Variants in WSCD2 observed in about 807,000 individuals in gnomAD.
WSCD2 encodes WSC domain sialate O sulfotransferase 2.
In WSCD2, 28 loss-of-function variants were observed where a neutral mutation model predicts 55.7. The ratio of observed to expected loss-of-function variants is 0.50; its 90% CI spans 0.37 to 0.69. The LOEUF (loss-of-function observed/expected upper bound fraction) is 0.69, where lower values mean the gene tolerates loss of function less well. Among genes scored for constraint, WSCD2 ranks in the 30% least tolerant of loss-of-function variants. WSCD2 has a pLI of 0.00. For missense variants in WSCD2, 616 were observed against 762.1 expected (o/e 0.81, Z 2.26); for synonymous variants, 301 against 301.9 (o/e 1.00, Z 0.03).
intron 1 of WSCD2, among the ~76,000 whole-genome samples, chr12:108,135,027 C>A (rs1238108890): frequency 1.3e-5 from 2 of 152,202 alleles, no homozygotes; most frequent in Non-Finnish European, 2.9e-5. Context: ...ACATTTCCCC[C>A]CTTCACTCAC....
rs767438425 is a variant in WSCD2, at chr12:108,195,877, A to G, written c.45A>G (p.Lys15=). The G allele has an allele frequency of 6.2e-7, 1 of 1,613,930 alleles. No individual in the cohort carries two copies. The highest frequency in any genetic ancestry group is 8.5e-7 in the Non-Finnish European group (1 of 1,179,928). The change falls in exon 2 of 9, where the codon AAA becomes AAG. Residue 15 remains lysine, a synonymous_variant. Coordinates refer to ENST00000547525, the MANE Select transcript of WSCD2 (RefSeq NM_014653.4). ...WFKFQRYFRR[K]PVRFFTFLAL... ...AATTCCAGCGGTACTTCCGCCGGAAACCTGTGCGCTTCTTTACCTTCCTGG... is the reference window on the plus strand; with the variant it reads ...AATTCCAGCGGTACTTCCGCCGGAAGCCTGTGCGCTTCTTTACCTTCCTGG...
intron 1 of WSCD2, among the ~76,000 whole-genome samples, chr12:108,167,864 G>A (rs924145105): frequency 3.9e-5 from 6 of 152,210 alleles, no homozygotes; most frequent in African/African-American, 1.4e-4. Flanking sequence ...ACCTATTTTT[G>A]GAGGTGAGTG....
chr12:108,198,263 G>GA (rs1050937163), intron 2 of WSCD2, among the ~76,000 whole-genome samples: 10 of 152,090 alleles, frequency 6.6e-5, no homozygotes, highest in African/African-American at 2.4e-4. Context: ...TGCTGTTGCT[G>GA]AATACCTATT....
At chr12:108,244,500 T>C in intron 8 of WSCD2, 1 of 702,996 alleles carries the variant, frequency 1.4e-6, no homozygotes, top group Non-Finnish European at 2.6e-6. Flanking sequence ...CCAGTATTTA[T>C]TGAGCACCTT....
chr12:108,142,518 G>T (rs1876931528), intron 1 of WSCD2, among the ~76,000 whole-genome samples: 1 of 152,118 alleles, frequency 6.6e-6, no homozygotes, highest in Admixed American at 6.5e-5. Flanking sequence ...GTGTGGCCTT[G>T]GATAATTTAC....
intron 1 of WSCD2, among the ~76,000 whole-genome samples, chr12:108,153,349 C>T (rs931300581): frequency 6.6e-6 from 1 of 152,188 alleles, no homozygotes; most frequent in South Asian, 2.1e-4. Flanking sequence ...CCCCATACTC[C>T]ATGAGCCATC....
At chr12:108,211,181 A>T (rs2137106098) in intron 4 of WSCD2, among the ~76,000 whole-genome samples, 1 of 152,336 alleles carries the variant, frequency 6.6e-6, no homozygotes, top group Non-Finnish European at 1.5e-5. Flanking sequence ...CTAATTCCAG[A>T]TGACCTTAAG....
chr12:108,131,554 G>A (rs549335481), intron 1 of WSCD2, among the ~76,000 whole-genome samples: 2 of 152,348 alleles, frequency 1.3e-5, no homozygotes, highest in East Asian at 3.9e-4. Context: ...GGTGCTGAGT[G>A]TAGAGTTTAG....
intron 5 of WSCD2, 122 bp downstream of exon 5, chr12:108,224,982 G>T: frequency 7.2e-7 from 1 of 1,387,744 alleles, no homozygotes; most frequent in Non-Finnish European, 9.7e-7. Context: ...CGTTGACTGG[G>T]ATCTATGACG....
intron 7 of WSCD2, among the ~76,000 whole-genome samples, chr12:108,239,161 C>A (rs552557758): frequency 5.9e-5 from 9 of 152,276 alleles, no homozygotes; most frequent in Non-Finnish European, 1.2e-4. Flanking sequence ...CAGCCCCATG[C>A]TCCCCTCTTG....
At chr12:108,236,116 G>A (rs1267296588) in intron 7 of WSCD2, among the ~76,000 whole-genome samples, 1 of 152,218 alleles carries the variant, frequency 6.6e-6, no homozygotes, top group African/African-American at 2.4e-5. Flanking sequence ...TCTGTACAAT[G>A]AGCTGATCCC....
At chr12:108,173,066 TCTG>T (rs1283159939) in intron 1 of WSCD2, among the ~76,000 whole-genome samples, 2 of 151,922 alleles carry the variant, frequency 1.3e-5, no homozygotes, top group African/African-American at 2.4e-5. Context: ...AGACACTGGA[TCTG>T]CTGGCGCCTT....
rs546858344 is a variant in WSCD2 at position 108,136,578 on chromosome 12, T to C, written c.-552+6652T>C. Reference sequence around the variant, plus strand: ...TCAGACTTCACTTCCATTCTCTCACTGAATCCTTGTGACAGTCCTGTGAGT... The same window carrying C: ...TCAGACTTCACTTCCATTCTCTCACCGAATCCTTGTGACAGTCCTGTGAGT... On this transcript the variant is annotated intron_variant, in intron 1 of 8. Coordinates refer to ENST00000547525, the MANE Select transcript of WSCD2 (RefSeq NM_014653.4). Among the ~76,000 whole-genome samples the C allele has an allele frequency of 3.3e-5, 5 of 152,286 alleles. No individual in the cohort carries two copies. The South Asian group carries it at 1.0e-3, about 32-fold the overall frequency.
chr12:108,238,778 C>A (rs1057274840), intron 7 of WSCD2, among the ~76,000 whole-genome samples: 1 of 152,138 alleles, frequency 6.6e-6, no homozygotes, highest in African/African-American at 2.4e-5. Flanking sequence ...GGCCTTAATA[C>A]CATATCCAAA....
chr12:108,250,170 TA>T lies in WSCD2; in HGVS notation c.*1828del, dbSNP rs1208378841. ...CAGGTTCACAAATGGGATGTTTTCC[TA>T]GTGTGTGTGTGTGTGTGTGTGTGTG... On this transcript the variant is annotated 3_prime_UTR_variant, in exon 9 of 9. Transcript: ENST00000547525. 7.3e-5 allele frequency: 6 copies of T among 82,314 alleles called. No homozygotes were observed. The East Asian group carries it at 1.0e-3, about 14-fold the overall frequency. 5.1% of individuals were successfully genotyped at this position (82,314 alleles called of 1,614,324 possible). A position where few individuals can be genotyped will look rare whatever the true frequency, so the allele number is the denominator to read the frequency against.
chr12:108,208,872 C>T (rs1409222937), intron 3 of WSCD2, among the ~76,000 whole-genome samples: 9 of 152,196 alleles, frequency 5.9e-5, no homozygotes. Context: ...AGGGTCACTG[C>T]CCTCCTGGAT....
intron 6 of WSCD2, among the ~76,000 whole-genome samples, chr12:108,230,888 A>G (rs1385509187): frequency 6.6e-6 from 1 of 152,206 alleles, no homozygotes; most frequent in African/African-American, 2.4e-5. Context: ...AGGAGTAGAT[A>G]GAAGGGAGGA....
At chr12:108,181,971 T>C (rs1881829991) in intron 1 of WSCD2, among the ~76,000 whole-genome samples, 1 of 152,226 alleles carries the variant, frequency 6.6e-6, no homozygotes, top group African/African-American at 2.4e-5. Flanking sequence ...GAACTAAGGC[T>C]TAGAGAGATT....
At chr12:108,145,314 A>G (rs1877267804) in intron 1 of WSCD2, among the ~76,000 whole-genome samples, 1 of 152,146 alleles carries the variant, frequency 6.6e-6, no homozygotes, top group Non-Finnish European at 1.5e-5. Context: ...GTGCTCTCCA[A>G]GCTCCACAGC....
Sources: allele counts gnomAD v4.1 joint callset (sites outside exome capture counted in the v4.1 genomes callset), GRCh38; gene constraint gnomAD v4.1.1; transcripts MANE v1.5; gene names NCBI Gene and HGNC (gene_info 2026-07-23, HGNC 2026-07-21).